The following CEACAM3 variants were observed in gnomAD, a reference collection of about 807,000 sequenced individuals.
The protein encoded by CEACAM3 is cell adhesion molecule CEACAM3.
A neutral mutation model predicts 30.1 loss-of-function variants in CEACAM3; 32 were observed. The ratio of observed to expected loss-of-function variants is 1.06; its 90% CI spans 0.80 to 1.43. CEACAM3 has a LOEUF of 1.43. CEACAM3 is among the 40% of genes most tolerant of loss of function. The pLI is 0.00. For synonymous variants in CEACAM3, 134 were observed against 127.2 expected, an observed-to-expected ratio of 1.05 and a Z score of -0.36; for missense variants, 290 against 316.3, an observed-to-expected ratio of 0.92 and a Z score of 0.63.
chr19:41,800,631 T>C (rs1428060246), intron 2 of CEACAM3, among the ~76,000 whole-genome samples: 1 of 152,166 alleles, frequency 6.6e-6, no homozygotes, highest in Non-Finnish European at 1.5e-5. Context: ...GTGAAAGTAC[T>C]AAAAGTCTCT....
At chr19:41,797,323 T>A (rs2073109710) in intron 1 of CEACAM3, 2 of 459,094 alleles carry the variant, frequency 4.4e-6, no homozygotes, top group Non-Finnish European at 7.7e-6. Flanking sequence ...AGGGGAGGGA[T>A]CTCCCAAGGA....
intron 2 of CEACAM3, 93 bp downstream of exon 2, chr19:41,798,041 C>G: frequency 6.6e-7 from 1 of 1,525,726 alleles, no homozygotes; most frequent in Non-Finnish European, 8.8e-7. Context: ...GTGGCCCTCT[C>G]TGCATTACAT....
At chr19:41,811,027 G>T (rs1555827554) in intron 6 of CEACAM3, 130 bp downstream of exon 6, 5 of 1,255,744 alleles carry the variant, frequency 4.0e-6, no homozygotes, top group Non-Finnish European at 3.4e-6. Flanking sequence ...GGCGAGCAGA[G>T]GAGGGAGGGG....
chr19:41,810,130 G>A, intron 4 of CEACAM3, 113 bp downstream of exon 4: 2 of 1,332,548 alleles, frequency 1.5e-6, no homozygotes, highest in Non-Finnish European at 1.1e-6. Context: ...GGGCTGCAAG[G>A]AGGATCTCAT....
chr19:41,800,410 A>G (rs1324269070), intron 2 of CEACAM3, among the ~76,000 whole-genome samples: 1 of 152,042 alleles, frequency 6.6e-6, no homozygotes, highest in African/African-American at 2.4e-5. Context: ...CAGACCGGGA[A>G]AGGGAGTCTC....
chr19:41,811,061 C>A, intron 6 of CEACAM3, 111 bp from the exon 7 acceptor site: 1 of 1,329,526 alleles, frequency 7.5e-7, no homozygotes. Flanking sequence ...ACCCCCTGAG[C>A]ACAGCCAGGT....
At chr19:41,810,149 A>G in intron 4 of CEACAM3, 132 bp downstream of exon 4, 1 of 1,284,474 alleles carries the variant, frequency 7.8e-7, no homozygotes, top group South Asian at 1.3e-5. Flanking sequence ...ATAAAACATC[A>G]CACAGGGGAC....
chr19:41,806,227 G>A (rs1401460799), intron 2 of CEACAM3, among the ~76,000 whole-genome samples: 3 of 151,824 alleles, frequency 2.0e-5, no homozygotes, highest in Non-Finnish European at 2.9e-5. Flanking sequence ...TGGGTTTTTC[G>A]CCATGTTGGT....
rs1416628885 is a variant in CEACAM3 at position 41,796,688 on chromosome 19, C to T, written c.11C>T (p.Pro4Leu). 2 of 1,614,020 alleles carry T rather than the reference C, an allele frequency of 1.2e-6. No homozygotes were observed. The highest frequency in any genetic ancestry group is 1.7e-6 in the Non-Finnish European group (2 of 1,179,998). The change falls in exon 1 of 7, where the codon CCC (proline) becomes CTC (leucine). Residue 4 changes from proline (P) to leucine (L), a missense_variant. Physicochemically the swap from Pro to Leu is moderately conservative, Grantham distance 98. Transcript: ENST00000357396. The stretch of plus-strand genomic sequence containing the variant: ...CAGGCAGCAGAGACCATGGGGCCCC[C>T]CTCAGCCTCTCCCCACAGAGAATGC... MGP[P>L]SASPHRECIP... is the part of the protein sequence containing the mutation.
At position 41,811,054 on chromosome 19, in the gene CEACAM3, C is replaced by T. The variant is rs2073246218; in HGVS notation, c.694-118C>T. The T allele has an allele frequency of 4.6e-6, 6 of 1,299,250 alleles. No homozygotes were observed. The South Asian group carries it at 4.9e-5, about 11-fold the overall frequency. The allele number at this position is 1,299,250 out of a possible 1,614,324, so 80.5% of individuals were successfully genotyped here. A position where few individuals can be genotyped will look rare whatever the true frequency, so the allele number is the denominator to read the frequency against. On this transcript the variant is annotated intron_variant, in intron 6 of 6. Transcript: ENST00000357396. The stretch of plus-strand genomic sequence containing the variant: ...AGGGAGGGGCTTGGGAGCAGGAACC[C>T]CCTGAGCACAGCCAGGTTCAGCCCC...
At chr19:41,798,308 G>A (rs2073120563) in intron 2 of CEACAM3, among the ~76,000 whole-genome samples, 1 of 152,152 alleles carries the variant, frequency 6.6e-6, no homozygotes, top group Admixed American at 6.5e-5. Context: ...TTCTCAGAGA[G>A]AAGCTCAACT....
intron 2 of CEACAM3, chr19:41,807,136 C>T (rs1391228119): frequency 1.3e-6 from 2 of 1,595,786 alleles, no homozygotes; most frequent in Non-Finnish European, 1.7e-6. Context: ...CCTCCATCTC[C>T]AGCAACAACT....
rs782262937 is a variant in CEACAM3, at chr19:41,807,177, C to T, written c.425-1636C>T. 2.0e-5 allele frequency: 30 copies of T among 1,488,414 alleles called. No individual in the cohort carries two copies. In the African/African-American group the frequency reaches 3.6e-4, roughly 18 times the overall value. The allele number at this position is 1,488,414 out of a possible 1,614,324, so 92.2% of individuals were successfully genotyped here. Reference sequence around the variant, plus strand: ...CCCAAGGAGGACAAGGATGCTGTGGCCTTCACCTGTGAACCTGAGATTCAC... The same window carrying T: ...CCCAAGGAGGACAAGGATGCTGTGGTCTTCACCTGTGAACCTGAGATTCAC... On this transcript the variant is annotated intron_variant, in intron 2 of 6. Transcript: ENST00000357396.
At position 41,810,014 on chromosome 19, in the gene CEACAM3, C is replaced by T. The variant is rs2073236025; in HGVS notation, c.592C>T (p.Pro198Ser). The T allele has an allele frequency of 1.2e-6, 2 of 1,613,842 alleles. No homozygotes were observed. Among genetic ancestry groups the T allele is most frequent in the Non-Finnish European group, 1.7e-6 (2 of 1,179,846 alleles). ...LKEQQPQALA[P>S]GRGPSHSSAF... ...GGAGCAGCAGCCCCAAGCCCTTGCC[C>T]CTGGTGAGTGTCCTCTCAGCCCAGG... Residue 198 changes from proline (P) to serine (S), a missense_variant, in exon 4 of 7, where the codon CCT (proline) becomes TCT (serine). Transcript: ENST00000357396.
Position 41,800,351 on chromosome 19 carries a change from C to T in CEACAM3, c.424+2403C>T, listed in dbSNP as rs531466834. On this transcript the variant is annotated intron_variant, in intron 2 of 6. Transcript: ENST00000357396. ...GGAAGACGCCCGTTGCCAGGCAGAC[C>T]GAGGTCTAGCGGTAGCGTAAGTGTC... 1.1e-4 allele frequency among the ~76,000 whole-genome samples: 16 copies of T among 152,232 alleles called. No individual in the cohort carries two copies. The South Asian group carries it at 1.9e-3, about 18-fold the overall frequency.
chr19:41,803,456 G>T lies in CEACAM3; in HGVS notation c.425-5357G>T, dbSNP rs76486311. Among the ~76,000 whole-genome samples, 559 of 88,600 alleles carry T rather than the reference G, an allele frequency of 6.3e-3. 4 individuals are homozygous for T. The highest frequency in any genetic ancestry group is 0.027 in the East Asian group (88 of 3,292). The allele number at this position is 88,600 out of a possible 152,430, so 58.1% of individuals were successfully genotyped here. ...TGTGTGTGTGTGTGTGTGTGTGTGTGTGTTGTTTTGTTTGTTTTTTTTTTT... is the reference window on the plus strand; with the variant it reads ...TGTGTGTGTGTGTGTGTGTGTGTGTTTGTTGTTTTGTTTGTTTTTTTTTTT... On this transcript the variant is annotated intron_variant, in intron 2 of 6. Transcript: ENST00000357396.
intron 2 of CEACAM3, among the ~76,000 whole-genome samples, chr19:41,800,641 T>G (rs1159184765): frequency 1.3e-5 from 2 of 152,158 alleles, no homozygotes; most frequent in African/African-American, 4.8e-5. Context: ...TAAAAGTCTC[T>G]GATATGCAGA....
chr19:41,809,259 T>C (rs2073229358), intron 3 of CEACAM3: 1 of 286,676 alleles, frequency 3.5e-6, no homozygotes, highest in Non-Finnish European at 6.5e-6. Flanking sequence ...GCGTGCTCTG[T>C]ACTTGGTACC....
intron 2 of CEACAM3, among the ~76,000 whole-genome samples, chr19:41,800,812 C>T (rs2073139933): frequency 6.6e-6 from 1 of 152,092 alleles, no homozygotes; most frequent in African/African-American, 2.4e-5. Context: ...GCTTTGTATC[C>T]AATAAATAAC....
Sources: allele counts gnomAD v4.1 joint callset (sites outside exome capture counted in the v4.1 genomes callset), GRCh38; gene constraint gnomAD v4.1.1; transcripts MANE v1.5; gene names NCBI Gene and HGNC (gene_info 2026-07-23, HGNC 2026-07-21).